The following PSMD1 variants were observed in gnomAD, a reference collection of about 807,000 sequenced individuals.
PSMD1 encodes the protein 26S proteasome non-ATPase regulatory subunit 1.
PSMD1 carries 18 observed loss-of-function variants against 119.0 expected under a neutral mutation model. The ratio of observed to expected loss-of-function variants is 0.15; its 90% CI spans 0.10 to 0.22. PSMD1 has a LOEUF of 0.22. Among genes scored for constraint, PSMD1 ranks in the 10% least tolerant of loss-of-function variants. The pLI is 1.00. For missense variants in PSMD1, 702 were observed against 1,158.5 expected, an observed-to-expected ratio of 0.61 and a Z score of 5.72; for synonymous variants, 374 against 396.6, an observed-to-expected ratio of 0.94 and a Z score of 0.68.
intron 16 of PSMD1, among the ~76,000 whole-genome samples, chr2:231,095,571 C>G (rs10210719): frequency 1.3e-5 from 2 of 152,294 alleles, no homozygotes; most frequent in African/African-American, 4.8e-5. Flanking sequence ...TGACATGATA[C>G]TGACACATGG....
At chr2:231,153,408 G>A (rs972436297) in intron 18 of PSMD1, 156 bp from the exon 19 acceptor site, 1 of 598,034 alleles carries the variant, frequency 1.7e-6, no homozygotes, top group African/African-American at 1.9e-5. Context: ...TGCAACCACG[G>A]AACTGCTCTG....
At chr2:231,060,880 C>G (rs549010502) in intron 1 of PSMD1, among the ~76,000 whole-genome samples, 2 of 152,212 alleles carry the variant, frequency 1.3e-5, no homozygotes, top group Admixed American at 6.5e-5. Flanking sequence ...GTAAATTAGG[C>G]CAATGGTTCT....
At chr2:231,162,190 TC>T (rs1574778414) in intron 20 of PSMD1, among the ~76,000 whole-genome samples, 1 of 152,314 alleles carries the variant, frequency 6.6e-6, no homozygotes, top group East Asian at 1.9e-4. Flanking sequence ...TGTGTTTAGG[TC>T]TTTCTTAGTC....
chr2:231,077,577 G>C (rs963523204), intron 9 of PSMD1, among the ~76,000 whole-genome samples: 1 of 151,808 alleles, frequency 6.6e-6, no homozygotes, highest in Non-Finnish European at 1.5e-5. Context: ...TATAGGTTTT[G>C]TGTCTGTATT....
At chr2:231,076,830 C>T (rs1051913015) in intron 8 of PSMD1, among the ~76,000 whole-genome samples, 4 of 152,050 alleles carry the variant, frequency 2.6e-5, no homozygotes, top group African/African-American at 7.2e-5. Context: ...TATTTTACAT[C>T]GAAAGCTAGC....
rs148411901 is a variant in PSMD1, at chr2:231,108,711, G to A, written c.1883+21530G>A. On this transcript the variant is annotated intron_variant, in intron 16 of 24. Coordinates refer to ENST00000308696, the MANE Select transcript of PSMD1 (RefSeq NM_002807.4). ...TTAGAGTTCTCTGCCATTGGATTCC[G>A]GAAGTAGATCTTACTGGAGCGTTTT... The A allele has an allele frequency of 2.0e-4, 330 of 1,614,096 alleles. 1 individual carries two copies. In the African/African-American group the frequency reaches 2.9e-3, roughly 14 times the overall value.
Position 231,170,727 on chromosome 2 carries a change from T to C in PSMD1, c.*9+6T>C. 6.4e-7 allele frequency: 1 copy of C among 1,573,326 alleles called. No individual in the cohort carries two copies. Among genetic ancestry groups the C allele is most frequent in the Non-Finnish European group, 8.6e-7 (1 of 1,161,118 alleles). On this transcript the variant is annotated splice_donor_region_variant and intron_variant, in intron 24 of 24. Coordinates refer to ENST00000308696, the MANE Select transcript of PSMD1 (RefSeq NM_002807.4). This position sits in a 1 kb window ranked among gnomAD's most constrained non-coding sequence, Gnocchi z 4.1. ...TTGATGATTAAGGGCCAGAGGTGCG[T>C]GTGCAACAAAATTATGAAGGGAAAC...
intron 16 of PSMD1, among the ~76,000 whole-genome samples, chr2:231,126,326 CA>C (rs1298723884): frequency 1.3e-5 from 2 of 151,960 alleles, no homozygotes; most frequent in Non-Finnish European, 2.9e-5. Flanking sequence ...GGTTAGGGGT[CA>C]GGGGAGACCT....
chr2:231,139,314 C>CTTTTTTTTTTTT (rs60709158), intron 17 of PSMD1, among the ~76,000 whole-genome samples: 727 of 93,438 alleles, frequency 7.8e-3, no homozygotes, highest in Non-Finnish European at 1.0e-2. Context: ...TTTTTTCTTT[C>CTTTTTTTTTTTT]TTTTTTTTTT....
intron 16 of PSMD1, among the ~76,000 whole-genome samples, chr2:231,136,651 C>T (rs771199416): frequency 7.9e-5 from 12 of 152,086 alleles, no homozygotes; most frequent in Non-Finnish European, 1.3e-4. Context: ...TGCCTTTCCA[C>T]TTTTATTTTT....
chr2:231,074,325 C>T (rs1313489370), intron 7 of PSMD1, among the ~76,000 whole-genome samples: 2 of 152,036 alleles, frequency 1.3e-5, no homozygotes, highest in African/African-American at 4.8e-5. Context: ...AGGCTGGTCT[C>T]GAACTCCTGA....
intron 16 of PSMD1, among the ~76,000 whole-genome samples, chr2:231,109,829 T>C (rs1416830293): frequency 1.3e-5 from 2 of 152,232 alleles, no homozygotes; most frequent in South Asian, 2.1e-4. Flanking sequence ...GTACATTTAT[T>C]CAATATCTTT....
At chr2:231,078,619 C>T in intron 9 of PSMD1, 40 bp from the exon 10 acceptor site, 1 of 1,515,328 alleles carries the variant, frequency 6.6e-7, no homozygotes, top group Non-Finnish European at 9.0e-7. Context: ...TATATGAATA[C>T]TTTGCCAGTG....
chr2:231,089,594 G>GATATATATATATATATATATATATAT (rs140932102), intron 16 of PSMD1, among the ~76,000 whole-genome samples: 1 of 143,124 alleles, frequency 7.0e-6, no homozygotes, highest in African/African-American at 2.7e-5. Flanking sequence ...GAATTAATAG[G>GATATATATATATATATATATATATAT]ATATATATAT....
At chr2:231,139,810 G>A (rs1270364535) in intron 17 of PSMD1, among the ~76,000 whole-genome samples, 1 of 152,112 alleles carries the variant, frequency 6.6e-6, no homozygotes, top group Non-Finnish European at 1.5e-5. Context: ...CCTGGTATTT[G>A]TTAAGCCCTC....
chr2:231,120,377 G>A (rs185272445), intron 16 of PSMD1, among the ~76,000 whole-genome samples: 57 of 152,262 alleles, frequency 3.7e-4, no homozygotes, highest in East Asian at 2.1e-3. Flanking sequence ...TATTTCTAAC[G>A]TAGGTATTTT....
At chr2:231,110,991 C>G (rs1387874247) in intron 16 of PSMD1, among the ~76,000 whole-genome samples, 1 of 152,164 alleles carries the variant, frequency 6.6e-6, no homozygotes, top group Non-Finnish European at 1.5e-5. Flanking sequence ...AAAACACTTG[C>G]CTTTTGAAGT....
rs1216608815 is a variant in PSMD1 at position 231,140,942 on chromosome 2, G to A, written c.1998+2092G>A. 2.0e-5 allele frequency among the ~76,000 whole-genome samples: 3 copies of A among 151,730 alleles called. No individual in the cohort carries two copies. In the East Asian group the frequency reaches 5.8e-4, roughly 29 times the overall value. ...CCAGCACTTTGGGCAACCAAGGCGG[G>A]TGGATCACCTGAGATCAGGAGTTTG... On this transcript the variant is annotated intron_variant, in intron 17 of 24. Coordinates refer to ENST00000308696, the MANE Select transcript of PSMD1 (RefSeq NM_002807.4).
chr2:231,092,938 T>G (rs768995806), intron 16 of PSMD1, among the ~76,000 whole-genome samples: 2 of 152,188 alleles, frequency 1.3e-5, no homozygotes, highest in Admixed American at 6.5e-5. Context: ...CTTTTATAAC[T>G]AATGCACAGT....
Sources: allele counts gnomAD v4.1 joint callset (sites outside exome capture counted in the v4.1 genomes callset), GRCh38; gene constraint gnomAD v4.1.1; non-coding constraint Gnocchi (gnomAD v3.1); transcripts MANE v1.5; gene names NCBI Gene and HGNC (gene_info 2026-07-23, HGNC 2026-07-21).